The following SWAP70 variants were observed in gnomAD, a reference collection of about 807,000 sequenced individuals.
The protein encoded by SWAP70 is switch-associated protein 70.
SWAP70 carries 34 observed loss-of-function variants against 80.2 expected under a neutral mutation model. The observed-to-expected ratio is 0.42, with a 90% CI of 0.32 to 0.56. SWAP70 has a LOEUF of 0.56. Ranked by LOEUF, SWAP70 falls within the 20% of genes least tolerant of loss-of-function variation. The probability of loss-of-function intolerance (pLI) is 0.09; values close to 1 mark genes in which losing one functional copy is unlikely to be tolerated. For missense variants in SWAP70, 578 were observed against 690.7 expected (o/e 0.84, Z 1.83); for synonymous variants, 239 against 238.5 (o/e 1.00, Z -0.02).
chr11:9,693,542 T>TA (rs1850720123), intron 1 of SWAP70, among the ~76,000 whole-genome samples: 1 of 152,236 alleles, frequency 6.6e-6, no homozygotes, highest in African/African-American at 2.4e-5. Context: ...TATATTCTTT[T>TA]ATACTCATGC....
intron 2 of SWAP70, among the ~76,000 whole-genome samples, chr11:9,707,927 T>C (rs56039142): frequency 0.014 from 2,177 of 152,282 alleles, 45 homozygotes; most frequent in African/African-American, 0.05. Context: ...CAGGTGGTTT[T>C]TTTGTTATAT....
intron 11 of SWAP70, 45 bp downstream of exon 11, chr11:9,749,228 A>T: frequency 9.3e-7 from 1 of 1,075,794 alleles, no homozygotes; most frequent in Non-Finnish European, 1.2e-6. Flanking sequence ...TTTATTTTTC[A>T]TTTTTATTTT....
At chr11:9,717,119 T>C (rs1851076510) in intron 3 of SWAP70, among the ~76,000 whole-genome samples, 1 of 152,180 alleles carries the variant, frequency 6.6e-6, no homozygotes, top group Admixed American at 6.5e-5. Flanking sequence ...GCAGTTTCGC[T>C]GTAGTGGTGG....
At chr11:9,696,884 A>G (rs937981152) in intron 2 of SWAP70, among the ~76,000 whole-genome samples, 1 of 152,088 alleles carries the variant, frequency 6.6e-6, no homozygotes, top group Admixed American at 6.6e-5. Flanking sequence ...ATGCCTTTCA[A>G]AAAATGATAA....
At chr11:9,746,021 G>A (rs1278206431) in intron 9 of SWAP70, among the ~76,000 whole-genome samples, 1 of 152,166 alleles carries the variant, frequency 6.6e-6, no homozygotes, top group Non-Finnish European at 1.5e-5. Context: ...CGCCCATGTT[G>A]GTACCAGGCA....
intron 1 of SWAP70, among the ~76,000 whole-genome samples, chr11:9,688,463 G>A (rs991501837): frequency 6.6e-6 from 1 of 152,148 alleles, no homozygotes; most frequent in African/African-American, 2.4e-5. Context: ...GGGGAGAAAG[G>A]GATGTGGTAC....
At chr11:9,666,722 TA>T (rs1199616070) in intron 1 of SWAP70, among the ~76,000 whole-genome samples, 5 of 116,714 alleles carry the variant, frequency 4.3e-5, no homozygotes, top group African/African-American at 1.5e-4. Flanking sequence ...GATGACCTCT[TA>T]ATTTTTTTTT....
chr11:9,745,249 G>A (rs1397125433), intron 9 of SWAP70, among the ~76,000 whole-genome samples: 3 of 150,474 alleles, frequency 2.0e-5, no homozygotes, highest in Non-Finnish European at 2.9e-5. Flanking sequence ...ACTTTATACA[G>A]TTGTTGTGAG....
chr11:9,707,557 C>CTTTTTTTTTTTT (rs34901698), intron 2 of SWAP70, among the ~76,000 whole-genome samples: 1 of 64,814 alleles, frequency 1.5e-5, no homozygotes, highest in African/African-American at 5.8e-5. Context: ...TTTTTCTTTT[C>CTTTTTTTTTTTT]TTTTTTTTTT....
At chr11:9,681,971 G>A (rs1178018918) in intron 1 of SWAP70, among the ~76,000 whole-genome samples, 1 of 152,218 alleles carries the variant, frequency 6.6e-6, no homozygotes, top group African/African-American at 2.4e-5. Context: ...CATTACTTGT[G>A]TGGTAATGGG....
intron 2 of SWAP70, among the ~76,000 whole-genome samples, chr11:9,698,918 T>C (rs2645014): frequency 0.14 from 21,396 of 151,952 alleles, 3,156 homozygotes; most frequent in African/African-American, 0.38. Context: ...GTTAGAATAC[T>C]TAAAGTCTAC....
At chr11:9,703,592 G>A (rs987186797) in intron 2 of SWAP70, 11 of 420,554 alleles carry the variant, frequency 2.6e-5, no homozygotes, top group South Asian at 1.0e-4. Context: ...TGTGTTTCCC[G>A]CAGCAGCCTG....
chr11:9,745,025 C>T (rs777975798), intron 9 of SWAP70, among the ~76,000 whole-genome samples: 3 of 152,156 alleles, frequency 2.0e-5, no homozygotes, highest in Non-Finnish European at 2.9e-5. Flanking sequence ...TGTCTGTATT[C>T]CCAGCAACTC....
chr11:9,699,080 A>G (rs201535550), intron 2 of SWAP70, among the ~76,000 whole-genome samples: 1 of 152,202 alleles, frequency 6.6e-6, no homozygotes, highest in Non-Finnish European at 1.5e-5. Flanking sequence ...AACATATGGT[A>G]TGATTCTATT....
chr11:9,684,931 A>C (rs1163560576), intron 1 of SWAP70, among the ~76,000 whole-genome samples: 1 of 152,248 alleles, frequency 6.6e-6, no homozygotes. Context: ...CAGATGGCTA[A>C]AATACAGACT....
chr11:9,694,030 C>T, intron 1 of SWAP70, 116 bp from the exon 2 acceptor site: 1 of 1,306,070 alleles, frequency 7.7e-7, no homozygotes, highest in Admixed American at 2.7e-5. Flanking sequence ...CCTGTTTTTG[C>T]TAGTTTATTT....
At chr11:9,728,340 G>T in intron 5 of SWAP70, 141 bp downstream of exon 5, 2 of 985,288 alleles carry the variant, frequency 2.0e-6, no homozygotes, top group South Asian at 3.1e-5. Context: ...TAGGCATGCA[G>T]TTGCCATGGT....
chr11:9,743,458 C>A (rs1463575119), intron 9 of SWAP70, among the ~76,000 whole-genome samples: 2 of 151,608 alleles, frequency 1.3e-5, no homozygotes, highest in Non-Finnish European at 2.9e-5. Flanking sequence ...AATTCTAGAT[C>A]CCTGAGGAAT....
At chr11:9,679,873 G>C (rs910892744) in intron 1 of SWAP70, among the ~76,000 whole-genome samples, 93 of 152,168 alleles carry the variant, frequency 6.1e-4, no homozygotes, top group African/African-American at 2.1e-3. Context: ...GTTTCACCAT[G>C]TTAGCCAGGA....
Sources: allele counts gnomAD v4.1 joint callset (sites outside exome capture counted in the v4.1 genomes callset), GRCh38; gene constraint gnomAD v4.1.1; transcripts MANE v1.5; gene names NCBI Gene and HGNC (gene_info 2026-07-23, HGNC 2026-07-21).